ZSCAN5B: variants seen among roughly 807,000 people sequenced by gnomAD.
The protein encoded by ZSCAN5B is zinc finger and SCAN domain-containing protein 5B.
A neutral mutation model predicts 25.2 loss-of-function variants in ZSCAN5B; 26 were observed. The ratio of observed to expected loss-of-function variants is 1.03; its 90% CI spans 0.76 to 1.43. The LOEUF (loss-of-function observed/expected upper bound fraction) is 1.43, where lower values mean the gene tolerates loss of function less well. Among genes scored for constraint, ZSCAN5B ranks in the 40% most tolerant of loss-of-function variants. ZSCAN5B has a pLI of 0.00. For missense variants in ZSCAN5B, 745 were observed against 622.1 expected, an observed-to-expected ratio of 1.20 and a Z score of -2.10; for synonymous variants, 244 against 240.9, an observed-to-expected ratio of 1.01 and a Z score of -0.12.
intron 2 of ZSCAN5B, 93 bp downstream of exon 2, chr19:56,192,576 C>T: frequency 6.6e-7 from 1 of 1,517,082 alleles, no homozygotes; most frequent in Non-Finnish European, 8.8e-7. Context: ...CAGGTATTTG[C>T]AATATTAGCT....
At chr19:56,193,024 C>T (rs1384913136) in exon 2 of ZSCAN5B, 8 of 1,584,658 alleles carry the variant, frequency 5.0e-6, no homozygotes, top group Admixed American at 3.6e-5. Context: ...TCCTCCCTGA[C>T]CCCATGAGAG....
chr19:56,190,582 G>A lies in ZSCAN5B; in HGVS notation c.740-7C>T. Reference sequence around the variant, plus strand: ...TCCTTTGCTCTCACCAGATCTGGTGGAAGAAGGGATTCCACACACAACAGT... The same window carrying A: ...TCCTTTGCTCTCACCAGATCTGGTGAAAGAAGGGATTCCACACACAACAGT... On this transcript the variant is annotated splice_polypyrimidine_tract_variant and splice_region_variant and intron_variant, in intron 4 of 4. Coordinates refer to ENST00000586855, the Ensembl canonical transcript of ZSCAN5B. 3 of 1,608,660 alleles carry A rather than the reference G, an allele frequency of 1.9e-6. No homozygotes were observed. The highest frequency in any genetic ancestry group is 2.5e-6 in the Non-Finnish European group (3 of 1,178,880).
At chr19:56,193,411 C>A (rs2032766479) in intron 1 of ZSCAN5B, among the ~76,000 whole-genome samples, 2 of 152,118 alleles carry the variant, frequency 1.3e-5, no homozygotes, top group African/African-American at 4.8e-5. Flanking sequence ...AACTGGTTTT[C>A]CTTTCAACTG....
chr19:56,192,619 C>T, intron 2 of ZSCAN5B, 50 bp downstream of exon 2: 2 of 1,546,916 alleles, frequency 1.3e-6, no homozygotes, highest in African/African-American at 1.4e-5. Flanking sequence ...AATTCTTTGG[C>T]CCCCATCCCA....
Position 56,194,445 on chromosome 19 carries a change from C to T in ZSCAN5B, c.-127-1266G>A, listed in dbSNP as rs181621203. On this transcript the variant is annotated intron_variant, in intron 1 of 4. Transcript: ENST00000586855. Reference sequence around the variant, plus strand: ...AGCTGGGACTACAAGTGCATCACCACGCCCGGCTAATTTTTATAGGTTATT... The same window carrying T: ...AGCTGGGACTACAAGTGCATCACCATGCCCGGCTAATTTTTATAGGTTATT... 6.3e-3 allele frequency among the ~76,000 whole-genome samples: 953 copies of T among 152,118 alleles called. 30 individuals carry two copies. The highest frequency in any genetic ancestry group is 0.054 in the Admixed American group (820 of 15,262).
rs758107202 is a variant in ZSCAN5B at position 56,191,036 on chromosome 19, A to G, written c.589-49T>C. On this transcript the variant is annotated intron_variant, in intron 3 of 4. Transcript: ENST00000586855. Reference sequence around the variant, plus strand: ...ATGACTGCCGTGTCTATACTGGTGGAAGTAGGGACATGTCTGTCCCCTCCT... The same window carrying G: ...ATGACTGCCGTGTCTATACTGGTGGGAGTAGGGACATGTCTGTCCCCTCCT... 6.8e-6 allele frequency: 11 copies of G among 1,612,198 alleles called. No homozygotes were observed. The African/African-American group carries it at 1.1e-4, about 16-fold the overall frequency.
chr19:56,192,541 C>T (rs1347609692), intron 2 of ZSCAN5B, 128 bp downstream of exon 2: 3 of 1,461,198 alleles, frequency 2.1e-6, no homozygotes, highest in Non-Finnish European at 2.8e-6. Context: ...TTCCTGTATC[C>T]CCTCTGCCTG....
chr19:56,195,167 C>G (rs1465959606), intron 1 of ZSCAN5B, among the ~76,000 whole-genome samples: 1 of 152,156 alleles, frequency 6.6e-6, no homozygotes, highest in East Asian at 1.9e-4. Context: ...AAGTGCAGAA[C>G]AGAGAGACAG....
intron 3 of ZSCAN5B, among the ~76,000 whole-genome samples, chr19:56,191,496 C>T (rs1179975294): frequency 6.6e-6 from 1 of 152,182 alleles, no homozygotes; most frequent in African/African-American, 2.4e-5. Context: ...AATCAACAGT[C>T]TGAGAAAGTG....
chr19:56,193,246 C>A (rs1277289600), intron 1 of ZSCAN5B, 67 bp from the exon 2 acceptor site: 2 of 633,284 alleles, frequency 3.2e-6, no homozygotes, highest in Middle Eastern at 4.3e-4. Flanking sequence ...CCTTCCAAAT[C>A]CCTCATCCCA....
At chr19:56,190,292 G>A (rs2032710947) in exon 5 of ZSCAN5B, 2 of 1,614,158 alleles carry the variant, frequency 1.2e-6, no homozygotes, top group Middle Eastern at 1.6e-4. Context: ...CTGGGTGACT[G>A]ACCGGGCCCG....
chr19:56,192,667 A>C lies in ZSCAN5B; in HGVS notation c.384+2T>G, dbSNP rs1373701896. ...TGCACCAATCACGAGGTTCCCACTCACCCATTTCTTGGGTCTTCTGTTATT... is the reference window on the plus strand; with the variant it reads ...TGCACCAATCACGAGGTTCCCACTCCCCCATTTCTTGGGTCTTCTGTTATT... On this transcript the variant is annotated splice_donor_variant, in intron 2 of 4. Coordinates refer to ENST00000586855, the Ensembl canonical transcript of ZSCAN5B. LOFTEE classifies it high-confidence loss of function. 6.3e-7 allele frequency: 1 copy of C among 1,592,510 alleles called. No individual in the cohort carries two copies. Among genetic ancestry groups the C allele is most frequent in the Non-Finnish European group, 8.6e-7 (1 of 1,167,466 alleles).
At chr19:56,192,750 C>G in exon 2 of ZSCAN5B, 4 of 1,605,608 alleles carry the variant, frequency 2.5e-6, no homozygotes, top group Non-Finnish European at 3.4e-6. Context: ...TGACTAAGAC[C>G]TGGAGCTCCT....
intron 1 of ZSCAN5B, among the ~76,000 whole-genome samples, chr19:56,193,431 T>G (rs2032766654): frequency 6.6e-6 from 1 of 152,248 alleles, no homozygotes; most frequent in Admixed American, 6.5e-5. Flanking sequence ...GGAACAACAC[T>G]GCTCTTGACT....
At chr19:56,191,655 ATGG>A (rs2032735619) in intron 3 of ZSCAN5B, among the ~76,000 whole-genome samples, 192 bp downstream of exon 3, 2 of 118,882 alleles carry the variant, frequency 1.7e-5, no homozygotes, top group Admixed American at 2.6e-4. Flanking sequence ...AAAAGCTCTC[ATGG>A]TGGAGAGAAA....
At chr19:56,193,956 C>CA (rs34181873) in intron 1 of ZSCAN5B, among the ~76,000 whole-genome samples, 5,395 of 123,552 alleles carry the variant, frequency 0.044, 132 homozygotes, top group South Asian at 0.076. Context: ...GACTCCATCT[C>CA]AAAAAAAAAA....
At chr19:56,197,242 G>A (rs1157262757) in intron 1 of ZSCAN5B, among the ~76,000 whole-genome samples, 1 of 150,684 alleles carries the variant, frequency 6.6e-6, no homozygotes, top group Non-Finnish European at 1.5e-5. Context: ...GCGCGACCTC[G>A]GCTCACTGCA....
At chr19:56,192,970 G>A in exon 2 of ZSCAN5B, 5 of 1,610,672 alleles carry the variant, frequency 3.1e-6, no homozygotes, top group East Asian at 4.5e-5. Flanking sequence ...AGTTTCTGGG[G>A]ACGCCACAGA....
exon 2 of ZSCAN5B, chr19:56,192,992 C>T: frequency 6.2e-7 from 1 of 1,605,708 alleles, no homozygotes; most frequent in African/African-American, 1.3e-5. Context: ...CGTGGAGTGT[C>T]TGACCCAGGG....
Sources: gnomAD v4.1 joint callset for allele counts (sites outside exome capture counted in the v4.1 genomes callset) on GRCh38, gnomAD v4.1.1 for gene constraint, MANE v1.5 for transcripts, NCBI Gene and HGNC (gene_info 2026-07-23, HGNC 2026-07-21) for gene names.